Variants in HHAT observed in about 807,000 individuals in gnomAD.
HHAT encodes the protein hedgehog acyltransferase.
In HHAT, 47 loss-of-function variants were observed where a neutral mutation model predicts 70.8. That is an observed-to-expected ratio of 0.66 (90% CI 0.53 to 0.85). The LOEUF is 0.85. HHAT is among the 40% of genes least tolerant of loss of function. HHAT has a pLI of 0.00. For synonymous variants in HHAT, 228 were observed against 247.6 expected, an observed-to-expected ratio of 0.92 and a Z score of 0.74; for missense variants, 609 against 604.8, an observed-to-expected ratio of 1.01 and a Z score of -0.07.
intron 9 of HHAT, among the ~76,000 whole-genome samples, chr1:210,561,146 T>G (rs1325621343): frequency 1.3e-5 from 2 of 152,214 alleles, no homozygotes; most frequent in Non-Finnish European, 2.9e-5. Flanking sequence ...ATTTCTTCAC[T>G]GGCCTGTACC....
intron 10 of HHAT, among the ~76,000 whole-genome samples, chr1:210,614,873 C>T (rs768591232): frequency 6.6e-6 from 1 of 152,148 alleles, no homozygotes; most frequent in Admixed American, 6.6e-5. Context: ...AATAAACATA[C>T]GTGTGCATGT....
At chr1:210,385,656 C>T (rs1268822409) in intron 3 of HHAT, among the ~76,000 whole-genome samples, 4 of 152,214 alleles carry the variant, frequency 2.6e-5, no homozygotes, top group African/African-American at 7.2e-5. Flanking sequence ...TCTGAGAATG[C>T]GCAGTATTGT....
At chr1:210,454,893 C>T (rs553499381) in intron 7 of HHAT, among the ~76,000 whole-genome samples, 2 of 152,282 alleles carry the variant, frequency 1.3e-5, no homozygotes, top group African/African-American at 4.8e-5. Flanking sequence ...TCTTGGGTTT[C>T]CAAGTTAATA....
At chr1:210,661,343 A>G (rs994869444) in intron 11 of HHAT, among the ~76,000 whole-genome samples, 1 of 152,220 alleles carries the variant, frequency 6.6e-6, no homozygotes, top group Non-Finnish European at 1.5e-5. Flanking sequence ...AATCAAAACC[A>G]CAATGAGATA....
At chr1:210,385,697 T>A (rs2090993255) in intron 3 of HHAT, among the ~76,000 whole-genome samples, 1 of 152,210 alleles carries the variant, frequency 6.6e-6, no homozygotes, top group Non-Finnish European at 1.5e-5. Flanking sequence ...GGGAAAACTT[T>A]TTTAAAATGA....
At chr1:210,535,417 G>C (rs1250066943) in intron 9 of HHAT, among the ~76,000 whole-genome samples, 1 of 150,174 alleles carries the variant, frequency 6.7e-6, no homozygotes, top group Non-Finnish European at 1.5e-5. Context: ...AGGGGACTGG[G>C]AAACATTGTG....
chr1:210,426,315 A>C (rs1372196428), intron 7 of HHAT, among the ~76,000 whole-genome samples: 1 of 152,122 alleles, frequency 6.6e-6, no homozygotes, highest in Non-Finnish European at 1.5e-5. Context: ...TTCTCTTCCT[A>C]TTTGGATACA....
chr1:210,565,217 T>A (rs140047394), intron 9 of HHAT, among the ~76,000 whole-genome samples: 2 of 152,114 alleles, frequency 1.3e-5, no homozygotes, highest in African/African-American at 4.8e-5. Context: ...ATAAAGATGA[T>A]GTATATGGTT....
At chr1:210,330,588 T>A (rs1367690657) in intron 1 of HHAT, among the ~76,000 whole-genome samples, 1 of 152,146 alleles carries the variant, frequency 6.6e-6, no homozygotes, top group Non-Finnish European at 1.5e-5. Flanking sequence ...CAGCCGTTTT[T>A]GTGGGTGGCC....
At chr1:210,567,714 A>G (rs1268821674) in intron 9 of HHAT, among the ~76,000 whole-genome samples, 2 of 152,132 alleles carry the variant, frequency 1.3e-5, no homozygotes, top group Admixed American at 1.3e-4. Context: ...TATGTCCTAG[A>G]TGGAGATGCT....
chr1:210,555,530 A>G (rs1256501014), intron 9 of HHAT, among the ~76,000 whole-genome samples: 1 of 152,244 alleles, frequency 6.6e-6, no homozygotes, highest in Non-Finnish European at 1.5e-5. Flanking sequence ...TGGGCATGAC[A>G]TAGAATAGTT....
intron 11 of HHAT, among the ~76,000 whole-genome samples, chr1:210,664,993 C>A (rs910918831): frequency 1.3e-5 from 2 of 151,840 alleles, no homozygotes; most frequent in African/African-American, 4.8e-5. Context: ...CTCCTGGAGT[C>A]GCCTCTTTCC....
intron 8 of HHAT, among the ~76,000 whole-genome samples, chr1:210,479,791 A>C (rs998117465): frequency 6.6e-6 from 1 of 152,236 alleles, no homozygotes; most frequent in Non-Finnish European, 1.5e-5. Context: ...TCACTTTGAC[A>C]TAAAGTTGTT....
chr1:210,415,840 A>G (rs768566112), intron 6 of HHAT, among the ~76,000 whole-genome samples: 2 of 151,930 alleles, frequency 1.3e-5, no homozygotes, highest in African/African-American at 4.8e-5. Flanking sequence ...TGTATTTTTA[A>G]TAGAGACAGG....
intron 3 of HHAT, among the ~76,000 whole-genome samples, chr1:210,376,000 A>T (rs897089799): frequency 6.8e-6 from 1 of 147,948 alleles, no homozygotes; most frequent in African/African-American, 2.5e-5. Flanking sequence ...GGCATGTGCC[A>T]CCATGCACAG....
chr1:210,533,276 TTAGAAGTA>T (rs2095333896), intron 9 of HHAT, among the ~76,000 whole-genome samples: 1 of 149,732 alleles, frequency 6.7e-6, no homozygotes, highest in African/African-American at 2.5e-5. Context: ...CTCTGCTGTT[TTAGAAGTA>T]CAGATGGCAG....
intron 8 of HHAT, among the ~76,000 whole-genome samples, chr1:210,467,131 TAGG>T (rs1250251493): frequency 6.6e-6 from 1 of 152,220 alleles, no homozygotes; most frequent in East Asian, 1.9e-4. Flanking sequence ...TCCACATTTT[TAGG>T]TTTCTTGAAG....
At chr1:210,356,048 C>T (rs2087576912) in intron 2 of HHAT, among the ~76,000 whole-genome samples, 1 of 151,868 alleles carries the variant, frequency 6.6e-6, no homozygotes, top group Non-Finnish European at 1.5e-5. Flanking sequence ...TCCTAAGTAG[C>T]TAGGACTACA....
At chr1:210,544,938 T>C (rs1005900922) in intron 9 of HHAT, among the ~76,000 whole-genome samples, 5 of 152,168 alleles carry the variant, frequency 3.3e-5, no homozygotes, top group African/African-American at 1.2e-4. Context: ...CATACCTATG[T>C]CTCCCAAATG....
Sources: gnomAD v4.1 joint callset for allele counts (sites outside exome capture counted in the v4.1 genomes callset) on GRCh38, gnomAD v4.1.1 for gene constraint, MANE v1.5 for transcripts, NCBI Gene and HGNC (gene_info 2026-07-23, HGNC 2026-07-21) for gene names.